Variants in ATP8A1 observed in about 807,000 individuals in gnomAD.
ATP8A1 encodes ATPase phospholipid transporting 8A1, also known as phospholipid-transporting ATPase IA.
Under a neutral mutation model 177.7 loss-of-function variants are expected in ATP8A1, and 90 were observed. That is an observed-to-expected ratio of 0.51 (90% CI 0.43 to 0.60). The LOEUF (loss-of-function observed/expected upper bound fraction) is 0.60. Ranked by LOEUF, ATP8A1 falls within the 20% of genes least tolerant of loss-of-function variation. The probability of loss-of-function intolerance (pLI) is 0.00; values close to 1 mark genes in which losing one functional copy is unlikely to be tolerated. For missense variants in ATP8A1, 1,072 were observed against 1,392.8 expected, an observed-to-expected ratio of 0.77 and a Z score of 3.67; for synonymous variants, 493 against 485.9, an observed-to-expected ratio of 1.01 and a Z score of -0.19.
chr4:42,461,547 A>T (rs1719159388), intron 27 of ATP8A1, among the ~76,000 whole-genome samples: 1 of 152,126 alleles, frequency 6.6e-6, no homozygotes, highest in Admixed American at 6.5e-5. Context: ...TTCCATCATG[A>T]TTGTGAGGCA....
intron 5 of ATP8A1, among the ~76,000 whole-genome samples, chr4:42,613,886 A>AT (rs56982939): frequency 0.02 from 2,950 of 148,500 alleles, 90 homozygotes; most frequent in African/African-American, 0.062. Context: ...GCCTGGCCTC[A>AT]TTTTTTTTTT....
chr4:42,464,814 G>A lies in ATP8A1; in HGVS notation c.2509-14C>T. ...CAAATATTTGAACTAAAACAAGAGT[G>A]GGAAAAAATTAGTATTTTCCTTTTC... On this transcript the variant is annotated splice_polypyrimidine_tract_variant and intron_variant, in intron 26 of 36. Coordinates refer to ENST00000381668, the MANE Select transcript of ATP8A1 (RefSeq NM_006095.2). 6.2e-7 allele frequency: 1 copy of A among 1,609,400 alleles called. No individual in the cohort carries two copies. Among genetic ancestry groups the A allele is most frequent in the Non-Finnish European group, 8.5e-7 (1 of 1,176,682 alleles).
At chr4:42,520,666 G>A (rs1410288337) in intron 22 of ATP8A1, among the ~76,000 whole-genome samples, 1 of 152,064 alleles carries the variant, frequency 6.6e-6, no homozygotes. Context: ...TAGGGTGGGA[G>A]TATCATGCTG....
intron 20 of ATP8A1, among the ~76,000 whole-genome samples, chr4:42,527,374 A>C (rs1461147668): frequency 6.6e-6 from 1 of 152,186 alleles, no homozygotes; most frequent in Non-Finnish European, 1.5e-5. Context: ...ACCCTGATGA[A>C]GCTGGGGACA....
chr4:42,474,239 G>A (rs1720807539), intron 25 of ATP8A1, among the ~76,000 whole-genome samples: 1 of 152,200 alleles, frequency 6.6e-6, no homozygotes, highest in African/African-American at 2.4e-5. Flanking sequence ...GGGAGAAGCT[G>A]AGCGGCATGG....
rs1405131241 is a variant in ATP8A1, at chr4:42,575,691, G to A, written c.1137C>T (p.Asp379=). The change falls in exon 13 of 37, where the codon GAC becomes GAT. Residue 379 remains aspartate, a synonymous_variant. Transcript: ENST00000381668. ...TQAYFINWDL[D]MHYEPTDTAA... is the part of the protein sequence containing the mutation. ...CAGTGTCTGTGGGTTCATAGTGCAT[G>A]TCAAGATCCTTTAATAAAATTAAGT... 2.5e-6 allele frequency: 4 copies of A among 1,612,756 alleles called. No homozygotes were observed. Among genetic ancestry groups the A allele is most frequent in the Non-Finnish European group, 8.5e-7 (1 of 1,179,148 alleles).
chr4:42,574,080 A>G (rs758693561), intron 14 of ATP8A1, among the ~76,000 whole-genome samples: 1 of 152,240 alleles, frequency 6.6e-6, no homozygotes, highest in Non-Finnish European at 1.5e-5. Flanking sequence ...AAGCAATTCT[A>G]AAGAAATTAA....
chr4:42,622,748 G>A (rs1737610269), intron 4 of ATP8A1, among the ~76,000 whole-genome samples: 1 of 152,120 alleles, frequency 6.6e-6, no homozygotes, highest in African/African-American at 2.4e-5. Context: ...AGTGGCTCAC[G>A]CCTGTAATCC....
chr4:42,650,979 G>C (rs1454496598), intron 1 of ATP8A1, among the ~76,000 whole-genome samples: 4 of 152,118 alleles, frequency 2.6e-5, no homozygotes, highest in Non-Finnish European at 5.9e-5. Context: ...CTCACATGTC[G>C]TAGAGGAACC....
intron 25 of ATP8A1, among the ~76,000 whole-genome samples, chr4:42,478,744 G>A (rs570299416): frequency 2.0e-5 from 3 of 152,274 alleles, no homozygotes; most frequent in South Asian, 4.2e-4. Flanking sequence ...GATATTTATG[G>A]CCCTGGGTTC....
chr4:42,461,852 G>A (rs1236142187), intron 27 of ATP8A1, among the ~76,000 whole-genome samples: 2 of 152,180 alleles, frequency 1.3e-5, no homozygotes, highest in Non-Finnish European at 1.5e-5. Context: ...TAATGCTATG[G>A]ACAATAAGAT....
intron 25 of ATP8A1, among the ~76,000 whole-genome samples, chr4:42,471,153 G>A (rs1240048935): frequency 3.9e-5 from 6 of 152,148 alleles, no homozygotes; most frequent in Non-Finnish European, 7.4e-5. Flanking sequence ...AATGAAAACA[G>A]CAGCTTACAT....
At chr4:42,569,540 A>G (rs1011072048) in intron 14 of ATP8A1, among the ~76,000 whole-genome samples, 2 of 152,336 alleles carry the variant, frequency 1.3e-5, no homozygotes, top group South Asian at 4.1e-4. Flanking sequence ...AAAATTAATC[A>G]TATGTGTTAT....
chr4:42,433,013 G>A (rs1022533932), intron 33 of ATP8A1, among the ~76,000 whole-genome samples: 1 of 152,050 alleles, frequency 6.6e-6, no homozygotes, highest in Non-Finnish European at 1.5e-5. Flanking sequence ...GGTACTCTCT[G>A]GAATACTGTA....
chr4:42,616,202 G>A (rs1736900996), intron 4 of ATP8A1, 124 bp from the exon 5 acceptor site: 1 of 809,146 alleles, frequency 1.2e-6, no homozygotes, highest in Non-Finnish European at 2.0e-6. Context: ...TCTCATTCAT[G>A]TCAATGTTAA....
At chr4:42,476,683 A>G (rs538704331) in intron 25 of ATP8A1, among the ~76,000 whole-genome samples, 33 of 152,280 alleles carry the variant, frequency 2.2e-4, no homozygotes, top group African/African-American at 7.7e-4. Context: ...AGTGCAAACC[A>G]TAAAAGGAAA....
At chr4:42,602,460 C>G (rs1327627184) in intron 5 of ATP8A1, among the ~76,000 whole-genome samples, 1 of 152,120 alleles carries the variant, frequency 6.6e-6, no homozygotes, top group East Asian at 1.9e-4. Flanking sequence ...TAAGTTGTAA[C>G]AAAGCATAAA....
At chr4:42,601,736 C>T (rs1735295086) in intron 5 of ATP8A1, among the ~76,000 whole-genome samples, 1 of 152,124 alleles carries the variant, frequency 6.6e-6, no homozygotes, top group Non-Finnish European at 1.5e-5. Context: ...ACCTGGCACA[C>T]AGTAGCTACT....
chr4:42,605,822 C>T (rs757475524), intron 5 of ATP8A1, among the ~76,000 whole-genome samples: 25 of 152,216 alleles, frequency 1.6e-4, no homozygotes, highest in East Asian at 3.8e-4. Context: ...AAAAATGTGG[C>T]ATACTGCCCA....
Sources: allele counts gnomAD v4.1 joint callset (sites outside exome capture counted in the v4.1 genomes callset), GRCh38; gene constraint gnomAD v4.1.1; transcripts MANE v1.5; gene names NCBI Gene and HGNC (gene_info 2026-07-23, HGNC 2026-07-21).